Variants in CNTNAP4 observed in about 807,000 individuals in gnomAD.
CNTNAP4 encodes the protein contactin-associated protein-like 4.
CNTNAP4 carries 98 observed loss-of-function variants against 148.4 expected under a neutral mutation model. That is an observed-to-expected ratio of 0.66 (90% CI 0.56 to 0.78). CNTNAP4 has a LOEUF of 0.78. CNTNAP4 is among the 30% of genes least tolerant of loss of function. The pLI, the probability that CNTNAP4 is intolerant of heterozygous loss-of-function variation, is 0.00. For missense variants in CNTNAP4, 1,935 were observed against 1,565.6 expected (o/e 1.24, Z -3.98); for synonymous variants, 730 against 565.1 (o/e 1.29, Z -4.14).
chr16:76,454,142 T>G (rs1484520456), intron 8 of CNTNAP4, among the ~76,000 whole-genome samples: 1 of 151,138 alleles, frequency 6.6e-6, no homozygotes. Context: ...GAGATGGAGT[T>G]TTGCTCTTGT....
intron 2 of CNTNAP4, among the ~76,000 whole-genome samples, chr16:76,329,580 A>C (rs898986863): frequency 6.6e-6 from 1 of 152,192 alleles, no homozygotes; most frequent in Non-Finnish European, 1.5e-5. Context: ...CTCAAATAAG[A>C]CATTTTATCA....
chr16:76,415,779 A>G (rs995663193), intron 3 of CNTNAP4, among the ~76,000 whole-genome samples: 1 of 151,160 alleles, frequency 6.6e-6, no homozygotes, highest in Non-Finnish European at 1.5e-5. Flanking sequence ...ACTATTCTAG[A>G]ATTTTATATA....
intron 3 of CNTNAP4, among the ~76,000 whole-genome samples, chr16:76,408,470 C>T (rs532719192): frequency 1.5e-4 from 23 of 151,994 alleles, no homozygotes; most frequent in Non-Finnish European, 2.8e-4. Context: ...AAAACCAACC[C>T]TCTTGTACCC....
rs769370866 is a variant in CNTNAP4, at chr16:76,296,631, C to T, written c.85+18884C>T. Reference sequence around the variant, plus strand: ...ATAGAGATGCTGATCTCAAAATGGACGAAAGAGAGAGGCAGAGAGAGAGAG... The same window carrying T: ...ATAGAGATGCTGATCTCAAAATGGATGAAAGAGAGAGGCAGAGAGAGAGAG... On this transcript the variant is annotated intron_variant, in intron 1 of 23. Transcript: ENST00000611870. 5.3e-5 allele frequency among the ~76,000 whole-genome samples: 8 copies of T among 151,286 alleles called. No homozygotes were observed. In the East Asian group the frequency reaches 7.8e-4, roughly 15 times the overall value.
chr16:76,322,771 G>A (rs1962556150), intron 2 of CNTNAP4, among the ~76,000 whole-genome samples: 1 of 152,006 alleles, frequency 6.6e-6, no homozygotes, highest in African/African-American at 2.4e-5. Context: ...GGTAATCTCA[G>A]AGAATTCTGA....
chr16:76,485,274 C>T (rs1213401457), intron 12 of CNTNAP4, among the ~76,000 whole-genome samples: 7 of 151,868 alleles, frequency 4.6e-5, no homozygotes, highest in East Asian at 1.9e-4. Flanking sequence ...TGCACCACCA[C>T]GCCCAGCCAA....
chr16:76,526,476 C>T (rs984143783), intron 17 of CNTNAP4, among the ~76,000 whole-genome samples: 1 of 152,058 alleles, frequency 6.6e-6, no homozygotes, highest in African/African-American at 2.4e-5. Flanking sequence ...GGAGGGCAGG[C>T]AGGCTATCAC....
intron 15 of CNTNAP4, among the ~76,000 whole-genome samples, chr16:76,520,016 T>C (rs1234573718): frequency 1.3e-5 from 2 of 152,196 alleles, no homozygotes; most frequent in African/African-American, 4.8e-5. Context: ...TGTTTTGAAA[T>C]TGCTGTTTTC....
chr16:76,324,567 C>T (rs765998071), intron 2 of CNTNAP4, among the ~76,000 whole-genome samples: 1 of 152,150 alleles, frequency 6.6e-6, no homozygotes, highest in Non-Finnish European at 1.5e-5. Flanking sequence ...TCTCAGGAAA[C>T]TCTGAGGGAT....
rs1337543645 is a variant in CNTNAP4 at position 76,382,051 on chromosome 16, A to C, written c.390+26540A>C. ...GCTCTAGCCTGGGGGACAGAGCGAGACTCCGTCTCAAAAAAAAAAAAAAAA... is the reference window on the plus strand; with the variant it reads ...GCTCTAGCCTGGGGGACAGAGCGAGCCTCCGTCTCAAAAAAAAAAAAAAAA... On this transcript the variant is annotated intron_variant, in intron 3 of 23. Transcript: ENST00000611870. Among the ~76,000 whole-genome samples the C allele has an allele frequency of 3.4e-5, 4 of 119,360 alleles. No homozygotes were observed. In the East Asian group the frequency reaches 1.1e-3, roughly 33 times the overall value. The allele number at this position is 119,360 out of a possible 152,430, so 78.3% of individuals were successfully genotyped here.
rs2078416944 is a variant in CNTNAP4 at position 76,401,540 on chromosome 16, T to C, written c.391-25912T>C. On this transcript the variant is annotated intron_variant, in intron 3 of 23. Transcript: ENST00000611870. ...TTCCTATTTGGATACCTTTTATTTCTTTCTCTTGCCTGATTGCTCTGGCAG... is the reference window on the plus strand; with the variant it reads ...TTCCTATTTGGATACCTTTTATTTCCTTCTCTTGCCTGATTGCTCTGGCAG... Among the ~76,000 whole-genome samples, 9 of 152,264 alleles carry C rather than the reference T, an allele frequency of 5.9e-5. No homozygotes were observed. The South Asian group carries it at 1.9e-3, about 32-fold the overall frequency.
At chr16:76,522,704 T>TTCTTTTCTTTTCTTTCTTGACAGAGTC (rs2083528892) in intron 17 of CNTNAP4, among the ~76,000 whole-genome samples, 1 of 27,974 alleles carries the variant, frequency 3.6e-5, no homozygotes, top group African/African-American at 1.8e-4. Flanking sequence ...TTCTTTTCTT[T>TTCTTTTCTTTTCTTTCTTGACAGAGTC]TCTTTTCTTT....
Position 76,277,489 on chromosome 16 carries a change from G to T in CNTNAP4, c.-174G>T, listed in dbSNP as rs1958519507. 2 of 585,306 alleles carry T rather than the reference G, an allele frequency of 3.4e-6. No homozygotes were observed. Among genetic ancestry groups the T allele is most frequent in the Non-Finnish European group, 6.1e-6 (2 of 329,732 alleles). The allele number at this position is 585,306 out of a possible 1,614,324, so 36.3% of individuals were successfully genotyped here. ...CGGGGAGAGAGAGAGGGAGAGAGAA[G>T]AGAGGGAGGAGGGAAGAAGAAAAGA... On this transcript the variant is annotated 5_prime_UTR_variant, in exon 1 of 24. Transcript: ENST00000611870.
chr16:76,306,013 A>G (rs1268156991), intron 1 of CNTNAP4, among the ~76,000 whole-genome samples: 1 of 152,180 alleles, frequency 6.6e-6, no homozygotes, highest in African/African-American at 2.4e-5. Context: ...TGGCTGCATA[A>G]TATTCCATGG....
chr16:76,465,100 C>G (rs1002079), intron 9 of CNTNAP4, among the ~76,000 whole-genome samples: 23,666 of 152,226 alleles, frequency 0.16, 2,180 homozygotes, highest in South Asian at 0.3. Context: ...GAAGTCTAAC[C>G]TGACATCTCA....
intron 3 of CNTNAP4, among the ~76,000 whole-genome samples, chr16:76,414,465 G>A (rs56049054): frequency 0.35 from 52,769 of 150,872 alleles, 10,865 homozygotes; most frequent in Non-Finnish European, 0.44. Context: ...GGCATTCATG[G>A]GTAAGATCGA....
rs1190111057 is a variant in CNTNAP4, at chr16:76,318,698, ATGAT to A, written c.196+2177_196+2180del. 1.9e-4 allele frequency among the ~76,000 whole-genome samples: 25 copies of A among 134,006 alleles called. No individual in the cohort carries two copies. In the East Asian group the frequency reaches 4.1e-3, roughly 22 times the overall value. The allele number at this position is 134,006 out of a possible 152,430, so 87.9% of individuals were successfully genotyped here. On this transcript the variant is annotated intron_variant, in intron 2 of 23. Coordinates refer to ENST00000611870, the MANE Select transcript of CNTNAP4 (RefSeq NM_033401.5). Reference sequence around the variant, plus strand: ...GAAATTTCTCATAATATTTCTCATAATGATTTATTTATTAGAGAGAATAAATTAA... The same window carrying A: ...GAAATTTCTCATAATATTTCTCATAATTATTTATTAGAGAGAATAAATTAA...
rs1353967278 is a variant in CNTNAP4 at position 76,448,149 on chromosome 16, G to A, written c.676G>A (p.Gly226Arg). ...QSDGILLHRE[G>R]PNGDHITLQL... ...TGATGGGATTCTACTCCACAGGGAA[G>A]GGCCAAATGGAGATCACATCACACT... The change falls in exon 5 of 24, where the codon GGG becomes AGG. Residue 226 changes from glycine (G) to arginine (R), a missense_variant. Gly to Arg is a moderately radical substitution (Grantham distance 125). Transcript: ENST00000611870. 1 of 1,613,564 alleles carries A rather than the reference G, an allele frequency of 6.2e-7. No individual in the cohort carries two copies. Among genetic ancestry groups the A allele is most frequent in the Admixed American group, 1.7e-5 (1 of 60,028 alleles).
chr16:76,461,644 T>G (rs1597618979), intron 8 of CNTNAP4, among the ~76,000 whole-genome samples: 1 of 152,330 alleles, frequency 6.6e-6, no homozygotes, highest in South Asian at 2.1e-4. Flanking sequence ...CTTGGAATTT[T>G]GGGAATTCCT....
Sources: allele counts gnomAD v4.1 joint callset (sites outside exome capture counted in the v4.1 genomes callset), GRCh38; gene constraint gnomAD v4.1.1; transcripts MANE v1.5; gene names NCBI Gene and HGNC (gene_info 2026-07-23, HGNC 2026-07-21).